Variants in ZFHX3 observed in about 807,000 individuals in gnomAD.
ZFHX3 encodes zinc finger homeobox 3, also known as zinc finger homeobox protein 3.
A neutral mutation model predicts 279.1 loss-of-function variants in ZFHX3; 42 were observed. That is an observed-to-expected ratio of 0.15 (90% CI 0.12 to 0.19). The LOEUF (loss-of-function observed/expected upper bound fraction) is 0.19, where lower values mean the gene tolerates loss of function less well. Ranked by LOEUF, ZFHX3 falls within the 10% of genes least tolerant of loss-of-function variation. The pLI is 1.00. For synonymous variants in ZFHX3, 2,293 were observed against 1,957.8 expected, an observed-to-expected ratio of 1.17 and a Z score of -4.52; for missense variants, 4,981 against 4,754.0, an observed-to-expected ratio of 1.05 and a Z score of -1.40.
chr16:73,573,357 T>C (rs1324045101), intron 2 of ZFHX3, among the ~76,000 whole-genome samples: 1 of 152,160 alleles, frequency 6.6e-6, no homozygotes, highest in Non-Finnish European at 1.5e-5. Flanking sequence ...CAAATGTCAT[T>C]TCTCCTGCGC....
At chr16:73,145,409 G>A (rs977864855) in intron 5 of ZFHX3, among the ~76,000 whole-genome samples, 2 of 152,214 alleles carry the variant, frequency 1.3e-5, no homozygotes, top group Non-Finnish European at 2.9e-5. Flanking sequence ...CAAATTGCTG[G>A]GCTAAAAGAC....
chr16:73,175,744 G>A (rs570895353), intron 5 of ZFHX3, among the ~76,000 whole-genome samples: 9 of 152,224 alleles, frequency 5.9e-5, no homozygotes, highest in African/African-American at 2.2e-4. Flanking sequence ...TTGGGTTCAA[G>A]TTTACATGTT....
chr16:73,296,752 T>G (rs1436539014), intron 4 of ZFHX3, among the ~76,000 whole-genome samples: 1 of 152,160 alleles, frequency 6.6e-6, no homozygotes, highest in African/African-American at 2.4e-5. Flanking sequence ...ATAATGATAT[T>G]GACAATGACA....
chr16:73,672,480 A>G (rs2142186292), intron 2 of ZFHX3, among the ~76,000 whole-genome samples: 1 of 152,302 alleles, frequency 6.6e-6, no homozygotes, highest in South Asian at 2.1e-4. Flanking sequence ...TCTGACAAAT[A>G]TTTAAGCATT....
rs189780077 is a variant in ZFHX3 at position 73,848,187 on chromosome 16, C to T, written c.-1608+43464G>A. Among the ~76,000 whole-genome samples, 192 of 152,158 alleles carry T rather than the reference C, an allele frequency of 1.3e-3. 1 individual carries two copies. Among genetic ancestry groups the T allele is most frequent in the Non-Finnish European group, 5.0e-4 (34 of 67,992 alleles). On this transcript the variant is annotated intron_variant, in intron 1 of 17. Transcript: ENST00000641206. ...GTGGGGGCAACATTTCCCTAAATAG[C>T]AGTTGGAGCTGGTCCTACTCTCAGA...
intron 1 of ZFHX3, among the ~76,000 whole-genome samples, chr16:73,765,896 G>A (rs9673757): frequency 0.018 from 2,694 of 152,290 alleles, 82 homozygotes; most frequent in African/African-American, 0.061. Flanking sequence ...GGAGGCTTAC[G>A]TGAGACTGGC....
chr16:73,056,120 C>T (rs1308520252), intron 1 of ZFHX3, among the ~76,000 whole-genome samples: 1 of 152,140 alleles, frequency 6.6e-6, no homozygotes, highest in Non-Finnish European at 1.5e-5. Context: ...CCTGCCCACA[C>T]CTCATCTTCC....
chr16:73,789,230 C>T (rs1176172384), intron 1 of ZFHX3, among the ~76,000 whole-genome samples: 5 of 151,758 alleles, frequency 3.3e-5, no homozygotes, highest in South Asian at 2.1e-4. Flanking sequence ...ACCCAGGCTG[C>T]GGTGCAGTGG....
intron 1 of ZFHX3, among the ~76,000 whole-genome samples, chr16:73,732,579 C>T (rs1393259717): frequency 1.3e-5 from 2 of 152,214 alleles, no homozygotes; most frequent in Non-Finnish European, 2.9e-5. Context: ...CAGAATGGAT[C>T]TAATAGACCT....
intron 7 of ZFHX3, among the ~76,000 whole-genome samples, chr16:73,102,597 A>T (rs938506496): frequency 6.6e-6 from 1 of 152,208 alleles, no homozygotes; most frequent in African/African-American, 2.4e-5. Flanking sequence ...AAGCATAGCT[A>T]GCCTTTCTGT....
At chr16:73,523,621 G>GTTT (rs3087040) in intron 2 of ZFHX3, among the ~76,000 whole-genome samples, 10 of 144,186 alleles carry the variant, frequency 6.9e-5, no homozygotes, top group East Asian at 5.9e-4. Flanking sequence ...TGGAAGCTGG[G>GTTT]TTTTTTTTTT....
chr16:73,120,867 C>G (rs971124707), intron 7 of ZFHX3, among the ~76,000 whole-genome samples: 6 of 151,714 alleles, frequency 4.0e-5, no homozygotes, highest in Non-Finnish European at 8.8e-5. Flanking sequence ...TGTTAGCCAG[C>G]ATGGTCTTGA....
At chr16:73,282,593 C>T (rs1597260640) in intron 4 of ZFHX3, among the ~76,000 whole-genome samples, 2 of 152,082 alleles carry the variant, frequency 1.3e-5, no homozygotes, top group African/African-American at 2.4e-5. Context: ...GCACTCACTA[C>T]GATTAAATTA....
In ZFHX3 at chr16:73,417,743, C is replaced by T. The variant is rs867179268; in HGVS notation, c.-1291+38260G>A. The stretch of plus-strand genomic sequence containing the variant: ...GTACTAGTACTTTGGGAGGCTGAAG[C>T]GGGTGGATCACGAGGTTGGGATATC... On this transcript the variant is annotated intron_variant, in intron 3 of 17. Coordinates refer to the ZFHX3 transcript ENST00000641206. 9.2e-5 allele frequency among the ~76,000 whole-genome samples: 14 copies of T among 151,420 alleles called. No individual in the cohort carries two copies. The South Asian group carries it at 1.7e-3, about 18-fold the overall frequency.
intron 1 of ZFHX3, among the ~76,000 whole-genome samples, chr16:73,689,993 G>T (rs112213206): frequency 6.6e-6 from 1 of 151,742 alleles, no homozygotes; most frequent in Non-Finnish European, 1.5e-5. Context: ...TCGGCTCACC[G>T]CAACCTCCAC....
chr16:73,280,433 A>G (rs1364251736), intron 4 of ZFHX3, among the ~76,000 whole-genome samples: 2 of 152,224 alleles, frequency 1.3e-5, no homozygotes, highest in East Asian at 3.9e-4. Flanking sequence ...ACCTGATTGA[A>G]AAATGGGCAA....
In ZFHX3 at chr16:73,778,818, A is replaced by G. The variant is rs548189710; in HGVS notation, c.-1607-98578T>C. The stretch of plus-strand genomic sequence containing the variant: ...CAGAAATCATATCAATCCAAAAACA[A>G]TGACTAACAGTCTGTGCCTGAGCCG... On this transcript the variant is annotated intron_variant, in intron 1 of 17. Transcript: ENST00000641206. 6.6e-5 allele frequency among the ~76,000 whole-genome samples: 10 copies of G among 152,348 alleles called. No individual in the cohort carries two copies. The East Asian group carries it at 1.7e-3, about 26-fold the overall frequency.
intron 2 of ZFHX3, among the ~76,000 whole-genome samples, chr16:73,514,633 T>A (rs577900339): frequency 6.6e-6 from 1 of 152,292 alleles, no homozygotes; most frequent in East Asian, 1.9e-4. Flanking sequence ...TTGAGATACG[T>A]GTTATTATTC....
chr16:73,820,642 G>T (rs1447247206), intron 1 of ZFHX3, among the ~76,000 whole-genome samples: 1 of 151,960 alleles, frequency 6.6e-6, no homozygotes, highest in Non-Finnish European at 1.5e-5. Context: ...GAGACTCCAA[G>T]CAAGAACCGC....
Sources: allele counts gnomAD v4.1 joint callset (sites outside exome capture counted in the v4.1 genomes callset), GRCh38; gene constraint gnomAD v4.1.1; transcripts MANE v1.5; gene names NCBI Gene and HGNC (gene_info 2026-07-23, HGNC 2026-07-21).